HHAT: variants seen among roughly 807,000 people sequenced by gnomAD.
The protein encoded by HHAT is hedgehog acyltransferase.
HHAT carries 47 observed loss-of-function variants against 70.8 expected under a neutral mutation model. The observed-to-expected ratio is 0.66, with a 90% CI of 0.53 to 0.85. The LOEUF is 0.85. HHAT is among the 40% of genes least tolerant of loss of function. The pLI, the probability that HHAT is intolerant of heterozygous loss-of-function variation, is 0.00. For synonymous variants in HHAT, 228 were observed against 247.6 expected (o/e 0.92, Z 0.74); for missense variants, 609 against 604.8 (o/e 1.01, Z -0.07).
chr1:210,631,101 G>T (rs1330168751), intron 11 of HHAT: 3 of 456,532 alleles, frequency 6.6e-6, no homozygotes, highest in African/African-American at 6.0e-5. Context: ...GGCTACCTTT[G>T]TTCCCAACTA....
intron 3 of HHAT, among the ~76,000 whole-genome samples, chr1:210,365,925 T>TAAAAA (rs748693133): frequency 9.7e-6 from 1 of 102,778 alleles, no homozygotes; most frequent in Non-Finnish European, 1.9e-5. Context: ...CACATTTTAT[T>TAAAAA]AAAAAAAATT....
At chr1:210,519,549 G>T (rs2095118020) in intron 9 of HHAT, among the ~76,000 whole-genome samples, 1 of 131,504 alleles carries the variant, frequency 7.6e-6, no homozygotes, top group Admixed American at 7.7e-5. Context: ...TTTTTTTGAG[G>T]CAGGGTCTCC....
At chr1:210,560,417 C>T (rs1294662522) in intron 9 of HHAT, among the ~76,000 whole-genome samples, 1 of 151,940 alleles carries the variant, frequency 6.6e-6, no homozygotes, top group Admixed American at 6.6e-5. Flanking sequence ...GGAAGTTATT[C>T]CCTGAGGAGA....
intron 9 of HHAT, among the ~76,000 whole-genome samples, chr1:210,529,541 C>T (rs1403235932): frequency 6.6e-6 from 1 of 152,148 alleles, no homozygotes; most frequent in Non-Finnish European, 1.5e-5. Context: ...TACTCTGCCT[C>T]CTCAAAGTAC....
intron 3 of HHAT, among the ~76,000 whole-genome samples, chr1:210,385,751 C>T (rs1416607031): frequency 2.0e-5 from 3 of 152,158 alleles, no homozygotes; most frequent in Non-Finnish European, 4.4e-5. Flanking sequence ...TGGTGGTTTA[C>T]AAGGGATGGG....
chr1:210,548,782 G>A (rs556977781), intron 9 of HHAT, among the ~76,000 whole-genome samples: 60 of 152,296 alleles, frequency 3.9e-4, no homozygotes, highest in African/African-American at 1.3e-3. Context: ...GGTAGATCAC[G>A]GCCCCTCAGC....
At chr1:210,386,533 C>T (rs868027180) in intron 3 of HHAT, among the ~76,000 whole-genome samples, 7 of 151,940 alleles carry the variant, frequency 4.6e-5, no homozygotes, top group Non-Finnish European at 7.4e-5. Flanking sequence ...CCACCGCGCC[C>T]GGCCTGCAGG....
chr1:210,523,101 C>T (rs2095185851), intron 9 of HHAT, among the ~76,000 whole-genome samples: 2 of 152,100 alleles, frequency 1.3e-5, no homozygotes, highest in African/African-American at 4.8e-5. Flanking sequence ...TATGGCCATC[C>T]ATCAGTCTCA....
chr1:210,448,055 T>C (rs2093669916), intron 7 of HHAT, among the ~76,000 whole-genome samples: 1 of 151,076 alleles, frequency 6.6e-6, no homozygotes, highest in Admixed American at 6.6e-5. Flanking sequence ...GATAGTTTAA[T>C]TTGACAGTTT....
At chr1:210,606,903 A>C (rs1665563994) in intron 10 of HHAT, among the ~76,000 whole-genome samples, 1 of 152,076 alleles carries the variant, frequency 6.6e-6, no homozygotes, top group African/African-American at 2.4e-5. Flanking sequence ...TATTGTATGC[A>C]TTCTGTTTTT....
intron 8 of HHAT, among the ~76,000 whole-genome samples, chr1:210,502,997 C>T (rs988899689): frequency 2.0e-5 from 3 of 151,534 alleles, no homozygotes; most frequent in Non-Finnish European, 4.4e-5. Context: ...AGACGGTCTC[C>T]CTCTGTCACC....
chr1:210,534,783 T>A (rs2095353382), intron 9 of HHAT, among the ~76,000 whole-genome samples: 1 of 152,166 alleles, frequency 6.6e-6, no homozygotes, highest in Non-Finnish European at 1.5e-5. Flanking sequence ...GTTTCAAATT[T>A]TAGAGTTTTG....
At position 210,546,867 on chromosome 1, in the gene HHAT, G is replaced by T. The variant is rs551830621; in HGVS notation, c.1043+33679G>T. ...GCGACAGACTTGATAATGAAGCCTG[G>T]GTGGGGAAGAATGTGGGGAGAGTGG... On this transcript the variant is annotated intron_variant, in intron 9 of 11. Transcript: ENST00000261458. Among the ~76,000 whole-genome samples, 4 of 152,264 alleles carry T rather than the reference G, an allele frequency of 2.6e-5. No homozygotes were observed. In the South Asian group the frequency reaches 6.2e-4, roughly 24 times the overall value.
intron 10 of HHAT, among the ~76,000 whole-genome samples, chr1:210,597,407 C>T (rs567329728): frequency 6.6e-6 from 1 of 152,294 alleles, no homozygotes; most frequent in African/African-American, 2.4e-5. Flanking sequence ...TTGTATCCTT[C>T]CCTTCAGGGT....
intron 5 of HHAT, among the ~76,000 whole-genome samples, chr1:210,403,125 ACCTT>A (rs1462687435): frequency 6.6e-6 from 1 of 152,146 alleles, no homozygotes; most frequent in Non-Finnish European, 1.5e-5. Flanking sequence ...TTTTTAGTCT[ACCTT>A]CATTTTTCTC....
intron 10 of HHAT, among the ~76,000 whole-genome samples, chr1:210,618,751 C>G (rs1668257183): frequency 6.6e-6 from 1 of 152,228 alleles, no homozygotes; most frequent in Non-Finnish European, 1.5e-5. Flanking sequence ...TGCAGCCCCC[C>G]ATCCCCGGCT....
chr1:210,615,743 A>C (rs1667564766), intron 10 of HHAT, among the ~76,000 whole-genome samples: 1 of 152,278 alleles, frequency 6.6e-6, no homozygotes, highest in African/African-American at 2.4e-5. Flanking sequence ...TGGAGGCTGC[A>C]GAGCAGCGAA....
At chr1:210,556,172 G>A (rs1573292874) in intron 9 of HHAT, among the ~76,000 whole-genome samples, 1 of 152,030 alleles carries the variant, frequency 6.6e-6, no homozygotes, top group East Asian at 1.9e-4. Flanking sequence ...GACATGGAGG[G>A]CGTGTAAATT....
At chr1:210,486,774 C>T (rs2094478345) in intron 8 of HHAT, among the ~76,000 whole-genome samples, 1 of 152,200 alleles carries the variant, frequency 6.6e-6, no homozygotes, top group Non-Finnish European at 1.5e-5. Context: ...TCAGGAATCA[C>T]TGTCATCTAA....
Sources: gnomAD v4.1 joint callset for allele counts (sites outside exome capture counted in the v4.1 genomes callset) on GRCh38, gnomAD v4.1.1 for gene constraint, MANE v1.5 for transcripts, NCBI Gene and HGNC (gene_info 2026-07-23, HGNC 2026-07-21) for gene names.